Variants in CDKL2 observed in about 807,000 individuals in gnomAD.
CDKL2 encodes cyclin-dependent kinase-like 2.
CDKL2 carries 64 observed loss-of-function variants against 63.9 expected under a neutral mutation model. That is an observed-to-expected ratio of 1.00 (90% CI 0.82 to 1.23). The LOEUF (loss-of-function observed/expected upper bound fraction) is 1.23, where lower values mean the gene tolerates loss of function less well. Ranked by LOEUF, CDKL2 falls within the 50% of genes most tolerant of loss-of-function variation. The pLI is 0.00. For synonymous variants in CDKL2, 211 were observed against 229.2 expected (o/e 0.92, Z 0.72); for missense variants, 656 against 668.0 (o/e 0.98, Z 0.20).
At chr4:75,597,929 A>G (rs1729012695) in intron 8 of CDKL2, 148 bp downstream of exon 8, 1 of 507,684 alleles carries the variant, frequency 2.0e-6, no homozygotes, top group East Asian at 3.7e-5. Flanking sequence ...AACAGGTAAT[A>G]TCTACTGAGA....
chr4:75,603,251 C>T (rs1324990300), intron 6 of CDKL2, among the ~76,000 whole-genome samples: 1 of 147,388 alleles, frequency 6.8e-6, no homozygotes, highest in Non-Finnish European at 1.5e-5. Context: ...CCACCCGCCT[C>T]GGCCTCCCAA....
chr4:75,602,083 T>C (rs886292186), intron 6 of CDKL2, among the ~76,000 whole-genome samples: 3 of 152,190 alleles, frequency 2.0e-5, no homozygotes, highest in Non-Finnish European at 4.4e-5. Flanking sequence ...ATTTGTAAAC[T>C]GGCTGCAGCC....
At position 75,581,828 on chromosome 4, in the gene CDKL2, G is replaced by T; in HGVS notation, c.*5C>A. 2 of 1,607,288 alleles carry T rather than the reference G, an allele frequency of 1.2e-6. No individual in the cohort carries two copies. Among genetic ancestry groups the T allele is most frequent in the Non-Finnish European group, 1.7e-6 (2 of 1,174,584 alleles). On this transcript the variant is annotated 3_prime_UTR_variant, in exon 13 of 14. Coordinates refer to ENST00000307465, the MANE Select transcript of CDKL2 (RefSeq NM_001330724.2). Reference sequence around the variant, plus strand: ...CACCTACCCAGTTCAGAACCAAAATGGTTCTCAGTGCTGGTGTTCCATTTG... The same window carrying T: ...CACCTACCCAGTTCAGAACCAAAATTGTTCTCAGTGCTGGTGTTCCATTTG...
intron 2 of CDKL2, among the ~76,000 whole-genome samples, chr4:75,621,075 A>G (rs990171344): frequency 2.6e-5 from 4 of 151,770 alleles, no homozygotes; most frequent in African/African-American, 9.7e-5. Flanking sequence ...AGCTGGGACT[A>G]TAGGCGCGCA....
At chr4:75,603,675 A>T in intron 6 of CDKL2, 142 bp downstream of exon 6, 1 of 586,290 alleles carries the variant, frequency 1.7e-6, no homozygotes, top group Non-Finnish European at 2.8e-6. Context: ...AGATCATGCC[A>T]CAGCACTCCA....
chr4:75,600,048 A>C (rs1320661534), intron 7 of CDKL2, among the ~76,000 whole-genome samples: 1 of 152,240 alleles, frequency 6.6e-6, no homozygotes, highest in Non-Finnish European at 1.5e-5. Context: ...GGGAGACAGA[A>C]AGAAGACATA....
intron 13 of CDKL2, among the ~76,000 whole-genome samples, chr4:75,579,678 A>G (rs1201255754): frequency 6.6e-6 from 1 of 152,192 alleles, no homozygotes; most frequent in Non-Finnish European, 1.5e-5. Flanking sequence ...CTCCGTCTCA[A>G]AAAAAAGAAA....
At position 75,576,667 on chromosome 4, in the gene CDKL2, G is replaced by A. The variant is rs577014484; in HGVS notation, c.*2535C>T. On this transcript the variant is annotated 3_prime_UTR_variant, in exon 14 of 14. Coordinates refer to ENST00000307465, the MANE Select transcript of CDKL2 (RefSeq NM_001330724.2). ...GTTGCTTCTCTAATCCCCTGACCAT[G>A]GTTCAGTTATATAGAGGAGGACTTA... Among the ~76,000 whole-genome samples the A allele has an allele frequency of 2.0e-5, 3 of 152,252 alleles. No homozygotes were observed. In the East Asian group the frequency reaches 5.8e-4, roughly 29 times the overall value.
chr4:75,625,891 T>A lies in CDKL2; in HGVS notation c.98A>T (p.Lys33Met), dbSNP rs750122672. The change falls in exon 2 of 14, where the codon AAG becomes ATG. Residue 33 changes from lysine to methionine, a missense_variant. Coordinates refer to ENST00000307465, the MANE Select transcript of CDKL2 (RefSeq NM_001330724.2). The stretch of plus-strand genomic sequence containing the variant: ...GTCATCGTCACTTTCTAAGAACTTC[T>A]TTATGGCCACAATTCTTCCAGTATC... ...NKDTGRIVAIKKFLESDDDKM... is the reference protein window; with the variant it reads ...NKDTGRIVAIMKFLESDDDKM... 2 of 1,613,324 alleles carry A rather than the reference T, an allele frequency of 1.2e-6. No homozygotes were observed. The highest frequency in any genetic ancestry group is 2.2e-5 in the South Asian group (2 of 91,006).
chr4:75,617,501 TCAAAAAAAC>T (rs1001860473), intron 2 of CDKL2, among the ~76,000 whole-genome samples: 5 of 146,178 alleles, frequency 3.4e-5, no homozygotes, highest in African/African-American at 1.1e-4. Flanking sequence ...AAACACCTTC[TCAAAAAAAC>T]CAAAAAAACT....
At chr4:75,592,456 T>A (rs1728759366) in intron 10 of CDKL2, among the ~76,000 whole-genome samples, 187 bp from the exon 11 acceptor site, 1 of 152,218 alleles carries the variant, frequency 6.6e-6, no homozygotes, top group Non-Finnish European at 1.5e-5. Flanking sequence ...CCTCATTAAA[T>A]TCATTAAAAT....
chr4:75,596,033 A>AAGGAAGG (rs1728915907), intron 10 of CDKL2: 1 of 33,666 alleles, frequency 3.0e-5, no homozygotes, highest in Non-Finnish European at 5.3e-5. Context: ...AGGAAGGAAG[A>AAGGAAGG]AAGGAAGGAA....
intron 9 of CDKL2, 72 bp from the exon 10 acceptor site, chr4:75,596,412 G>A: frequency 1.2e-6 from 1 of 861,598 alleles, no homozygotes; most frequent in East Asian, 2.5e-5. Context: ...AAAACTAAAT[G>A]ACACAGCACC....
chr4:75,628,069 C>T (rs7679851), intron 1 of CDKL2, among the ~76,000 whole-genome samples: 60,195 of 150,502 alleles, frequency 0.4, 12,711 homozygotes, highest in African/African-American at 0.51. Flanking sequence ...TTTCAAAAAC[C>T]CTGTTAATGA....
chr4:75,596,658 A>T (rs2148875707), intron 9 of CDKL2, among the ~76,000 whole-genome samples: 1 of 152,360 alleles, frequency 6.6e-6, no homozygotes, highest in South Asian at 2.1e-4. Flanking sequence ...CTCTTTTAGT[A>T]TGACAACCTG....
rs1052523316 is a variant in CDKL2, at chr4:75,590,043, C to T, written c.1647+1776G>A. Among the ~76,000 whole-genome samples the T allele has an allele frequency of 4.0e-5, 6 of 151,380 alleles. No homozygotes were observed. In the East Asian group the frequency reaches 7.8e-4, roughly 20 times the overall value. On this transcript the variant is annotated intron_variant, in intron 12 of 13. Coordinates refer to ENST00000307465, the MANE Select transcript of CDKL2 (RefSeq NM_001330724.2). ...ATAGCCAGGTGTGTTGGTGCACTCCCGTGGTCCCAGCTACTCAGGAAGCTG... is the reference window on the plus strand; with the variant it reads ...ATAGCCAGGTGTGTTGGTGCACTCCTGTGGTCCCAGCTACTCAGGAAGCTG...
Position 75,630,079 on chromosome 4 carries a change from T to C in CDKL2, c.-67A>G, listed in dbSNP as rs1395354362. On this transcript the variant is annotated 5_prime_UTR_variant, in exon 1 of 14. Coordinates refer to ENST00000307465, the MANE Select transcript of CDKL2 (RefSeq NM_001330724.2). ...CCGTTCGCATAGAAAGACCCAAAGGTTTTCAACTTGGAAACAAATTTGAGG... is the reference window on the plus strand; with the variant it reads ...CCGTTCGCATAGAAAGACCCAAAGGCTTTCAACTTGGAAACAAATTTGAGG... The C allele has an allele frequency of 6.6e-6, 1 of 152,048 alleles. No individual in the cohort carries two copies. The highest frequency in any genetic ancestry group is 1.5e-5 in the Non-Finnish European group (1 of 67,956). 9.4% of individuals were successfully genotyped at this position (152,048 alleles called of 1,614,324 possible). A position where few individuals can be genotyped will look rare whatever the true frequency, so the allele number is the denominator to read the frequency against.
chr4:75,599,548 C>CAAAAAAAAAAAAAA (rs71657365), intron 7 of CDKL2, among the ~76,000 whole-genome samples: 3 of 69,654 alleles, frequency 4.3e-5, no homozygotes, highest in East Asian at 4.8e-4. Flanking sequence ...GCAACAAGAG[C>CAAAAAAAAAAAAAA]AAAAAAAAAA....
intron 3 of CDKL2, among the ~76,000 whole-genome samples, chr4:75,614,054 C>T (rs1729817566): frequency 6.6e-6 from 1 of 152,118 alleles, no homozygotes; most frequent in Admixed American, 6.5e-5. Context: ...GAGACTCTGT[C>T]TCGGAAAAAA....
Sources: gnomAD v4.1 joint callset for allele counts (sites outside exome capture counted in the v4.1 genomes callset) on GRCh38, gnomAD v4.1.1 for gene constraint, MANE v1.5 for transcripts, NCBI Gene and HGNC (gene_info 2026-07-23, HGNC 2026-07-21) for gene names.